TFCP2L1: variants seen among roughly 807,000 people sequenced by gnomAD.
The protein encoded by TFCP2L1 is transcription factor CP2 like 1, also known as transcription factor CP2-like protein 1.
In TFCP2L1, 12 loss-of-function variants were observed where a neutral mutation model predicts 72.2. That is an observed-to-expected ratio of 0.17 (90% CI 0.11 to 0.27). The LOEUF (loss-of-function observed/expected upper bound fraction) is 0.27, where lower values mean the gene tolerates loss of function less well. Ranked by LOEUF, TFCP2L1 falls within the 10% of genes least tolerant of loss-of-function variation. The probability of loss-of-function intolerance (pLI) is 1.00; values close to 1 mark genes in which losing one functional copy is unlikely to be tolerated. For missense variants in TFCP2L1, 488 were observed against 624.6 expected (o/e 0.78, Z 2.33); for synonymous variants, 260 against 251.0 (o/e 1.04, Z -0.34).
intron 2 of TFCP2L1, among the ~76,000 whole-genome samples, chr2:121,253,718 G>A (rs930600182): frequency 5.9e-5 from 9 of 152,186 alleles, no homozygotes; most frequent in Non-Finnish European, 1.0e-4. Flanking sequence ...AAAGGGTAAA[G>A]CCATTGAGTG....
chr2:121,241,119 G>A (rs891677110), intron 7 of TFCP2L1, among the ~76,000 whole-genome samples: 3 of 152,180 alleles, frequency 2.0e-5, no homozygotes, highest in Admixed American at 6.5e-5. Context: ...CCACCAATCA[G>A]TCAGCCTGAC....
chr2:121,230,694 G>A (rs1010224115), intron 13 of TFCP2L1, among the ~76,000 whole-genome samples: 2 of 152,110 alleles, frequency 1.3e-5, no homozygotes, highest in African/African-American at 2.4e-5. Flanking sequence ...GATGGCCTGA[G>A]CCTGGGAGGT....
In TFCP2L1 at chr2:121,248,147, A is replaced by G. The variant is rs201641775; in HGVS notation, c.504+17T>C. ...AGACTAGGTCTTCCCCTGGAGGGCA[A>G]GCTCCCTGTGGCCCACCTGAATGAA... On this transcript the variant is annotated intron_variant, in intron 5 of 14. Coordinates refer to ENST00000263707, the MANE Select transcript of TFCP2L1 (RefSeq NM_014553.3). 6.8e-6 allele frequency: 11 copies of G among 1,611,352 alleles called. No individual in the cohort carries two copies. The highest frequency in any genetic ancestry group is 1.3e-5 in the African/African-American group (1 of 75,008).
chr2:121,284,840 C>A (rs1483690902), intron 1 of TFCP2L1, among the ~76,000 whole-genome samples: 1 of 152,140 alleles, frequency 6.6e-6, no homozygotes, highest in African/African-American at 2.4e-5. Context: ...GCCTCCCCAG[C>A]GGGCCCCCAA....
rs1190741280 is a variant in TFCP2L1 at position 121,234,080 on chromosome 2, C to T, written c.1198+11G>A. 4 of 1,612,502 alleles carry T rather than the reference C, an allele frequency of 2.5e-6. 1 individual carries two copies. Among genetic ancestry groups the T allele is most frequent in the Middle Eastern group, 3.9e-4 (2 of 5,094 alleles). On this transcript the variant is annotated intron_variant, in intron 12 of 14. Coordinates refer to ENST00000263707, the MANE Select transcript of TFCP2L1 (RefSeq NM_014553.3). ...AATGTGTGGGTCCCAGCTCTGCTCC[C>T]CACAACTCACCAGACAGGTTGCTGT...
intron 2 of TFCP2L1, among the ~76,000 whole-genome samples, chr2:121,277,286 G>A (rs927966865): frequency 6.6e-6 from 1 of 152,206 alleles, no homozygotes; most frequent in Admixed American, 6.5e-5. Context: ...GATCACTTGA[G>A]CTCAGAAATT....
chr2:121,232,867 GC>G (rs1390243994), intron 12 of TFCP2L1, among the ~76,000 whole-genome samples: 1 of 152,076 alleles, frequency 6.6e-6, no homozygotes. Flanking sequence ...CCAGGCAGGA[GC>G]AAATGCCACC....
At chr2:121,242,811 TG>T (rs1220711744) in intron 6 of TFCP2L1, among the ~76,000 whole-genome samples, 3 of 152,196 alleles carry the variant, frequency 2.0e-5, no homozygotes, top group African/African-American at 7.2e-5. Context: ...GCTGCTGGTC[TG>T]GATTTAGTCT....
chr2:121,255,797 C>T (rs1686704605), intron 2 of TFCP2L1, among the ~76,000 whole-genome samples: 1 of 151,190 alleles, frequency 6.6e-6, no homozygotes, highest in African/African-American at 2.4e-5. Context: ...GGCTGGAGTA[C>T]AGCGGCACGA....
intron 6 of TFCP2L1, among the ~76,000 whole-genome samples, chr2:121,243,963 C>G (rs1165834947): frequency 2.6e-5 from 4 of 152,142 alleles, no homozygotes; most frequent in Non-Finnish European, 5.9e-5. Flanking sequence ...GGTTGGGGCC[C>G]CGCTGCCTTG....
chr2:121,270,875 C>T (rs1687033055), intron 2 of TFCP2L1, among the ~76,000 whole-genome samples: 3 of 136,748 alleles, frequency 2.2e-5, no homozygotes, highest in Admixed American at 2.2e-4. Context: ...TCTCTAAACA[C>T]ACTTTTTTTT....
intron 2 of TFCP2L1, among the ~76,000 whole-genome samples, chr2:121,266,516 C>A (rs1040954137): frequency 6.6e-6 from 1 of 152,330 alleles, no homozygotes; most frequent in South Asian, 2.1e-4. Context: ...TGCCAGGCAC[C>A]TGCTTGGTTT....
intron 5 of TFCP2L1, 27 bp from the exon 6 acceptor site, chr2:121,246,997 G>A (rs754926751): frequency 2.1e-5 from 34 of 1,613,358 alleles, no homozygotes; most frequent in Middle Eastern, 1.7e-4. Context: ...TGGGCAGGTG[G>A]CAAGGAGGCA....
intron 13 of TFCP2L1, among the ~76,000 whole-genome samples, chr2:121,229,498 T>C (rs1686098426): frequency 6.6e-6 from 1 of 152,172 alleles, no homozygotes; most frequent in Non-Finnish European, 1.5e-5. Flanking sequence ...GCTCTGGCAG[T>C]TTAATGACAA....
intron 2 of TFCP2L1, among the ~76,000 whole-genome samples, chr2:121,274,369 C>G (rs1445207598): frequency 6.6e-6 from 1 of 152,070 alleles, no homozygotes; most frequent in Admixed American, 6.6e-5. Context: ...CTGACGTGAC[C>G]CCACATATTG....
chr2:121,247,442 A>G (rs1192491505), intron 5 of TFCP2L1, among the ~76,000 whole-genome samples: 2 of 152,050 alleles, frequency 1.3e-5, no homozygotes, highest in East Asian at 3.9e-4. Flanking sequence ...CATAAATGGC[A>G]CTCGATATCA....
intron 1 of TFCP2L1, among the ~76,000 whole-genome samples, chr2:121,283,302 G>A (rs972737474): frequency 1.3e-5 from 2 of 152,148 alleles, no homozygotes; most frequent in Non-Finnish European, 2.9e-5. Flanking sequence ...CAAGTGAGGA[G>A]ACGACCAAAA....
intron 4 of TFCP2L1, 45 bp from the exon 5 acceptor site, chr2:121,248,315 T>G: frequency 6.7e-7 from 1 of 1,495,794 alleles, no homozygotes; most frequent in Non-Finnish European, 9.2e-7. Flanking sequence ...TGTCAGCCTC[T>G]CCCAAATATT....
At position 121,239,547 on chromosome 2, in the gene TFCP2L1, G is replaced by C. The variant is rs1339770988; in HGVS notation, c.860+11C>G. ...TTTCAGGGAACCCGAAGAAAGAGAG[G>C]TGGGACGTACCCTTCGCCGAGGCCA... On this transcript the variant is annotated intron_variant, in intron 8 of 14. Transcript: ENST00000263707. 1.9e-6 allele frequency: 3 copies of C among 1,613,410 alleles called. No homozygotes were observed. The highest frequency in any genetic ancestry group is 2.7e-5 in the African/African-American group (2 of 74,938).
Sources: allele counts gnomAD v4.1 joint callset (sites outside exome capture counted in the v4.1 genomes callset), GRCh38; gene constraint gnomAD v4.1.1; transcripts MANE v1.5; gene names NCBI Gene and HGNC (gene_info 2026-07-23, HGNC 2026-07-21).